RTTN: variants seen among roughly 807,000 people sequenced by gnomAD.
The protein encoded by RTTN is rotatin.
A neutral mutation model predicts 269.2 loss-of-function variants in RTTN; 182 were observed. That is an observed-to-expected ratio of 0.68 (90% confidence interval 0.60 to 0.76). The LOEUF is 0.76. Among genes scored for constraint, RTTN ranks in the 30% least tolerant of loss-of-function variants. The pLI is 0.00. For synonymous variants in RTTN, 1,006 were observed against 963.5 expected (o/e 1.04, Z -0.82); for missense variants, 2,545 against 2,608.6 (o/e 0.98, Z 0.53).
intron 25 of RTTN, 123 bp from the exon 26 acceptor site, chr18:70,121,823 T>A: frequency 2.2e-6 from 2 of 924,572 alleles, no homozygotes; most frequent in Non-Finnish European, 3.1e-6. Flanking sequence ...GACACTGTTT[T>A]AAATGCTTTG....
At position 70,142,335 on chromosome 18, in the gene RTTN, A is replaced by C. The variant is rs774473227; in HGVS notation, c.2534T>G (p.Leu845Arg). 6.2e-7 allele frequency: 1 copy of C among 1,609,844 alleles called. No individual in the cohort carries two copies. The highest frequency in any genetic ancestry group is 8.5e-7 in the Non-Finnish European group (1 of 1,178,594). The change falls in exon 19 of 49, where the codon CTC becomes CGC. Residue 845 changes from leucine (L) to arginine (R), a missense_variant. Coordinates refer to ENST00000640769, the MANE Select transcript of RTTN (RefSeq NM_173630.4). ...TTCAGCAGCTGACTTTCTCAAAACG[A>C]GATCAACATCATCTGAGGTGAAGAT... is the stretch of plus-strand genomic sequence containing the variant. ...YEIFTSDDVDLVLRKSAAEQL... is the reference protein window; with the variant it reads ...YEIFTSDDVDRVLRKSAAEQL...
At chr18:70,036,817 C>T (rs1465912228) in intron 40 of RTTN, among the ~76,000 whole-genome samples, 3 of 152,142 alleles carry the variant, frequency 2.0e-5, no homozygotes, top group African/African-American at 4.8e-5. Context: ...AGCACCGTCA[C>T]GAGAACCAAA....
intron 44 of RTTN, 69 bp downstream of exon 44, chr18:70,024,652 TC>T: frequency 7.2e-7 from 1 of 1,395,178 alleles, no homozygotes; most frequent in East Asian, 2.3e-5. Context: ...GTTTTTCCAG[TC>T]CACCTTAACA....
chr18:70,109,626 C>A lies in RTTN; in HGVS notation c.3775G>T (p.Gly1259Cys), dbSNP rs1252883350. 1 of 1,613,972 alleles carries A rather than the reference C, an allele frequency of 6.2e-7. No individual in the cohort carries two copies. The change falls in exon 28 of 49, where the codon GGC becomes TGC. Residue 1259 changes from glycine to cysteine, a missense_variant. Physicochemically the swap from Gly to Cys is radical, Grantham distance 159. Transcript: ENST00000640769. ...AAGGTCCGCTCAAGGGACGGCAGGC[C>A]ATAGAAATGAGGCGCATCCGTCACT... ...LKVTDAPHFY[G>C]LPSLERTLRG...
At chr18:70,086,789 T>C in intron 31 of RTTN, 105 bp from the exon 32 acceptor site, 3 of 1,038,832 alleles carry the variant, frequency 2.9e-6, no homozygotes, top group African/African-American at 3.4e-5. Context: ...TTGTAATTAA[T>C]AGCAAAAGAC....
At chr18:70,119,372 A>C (rs1305743832) in intron 26 of RTTN, among the ~76,000 whole-genome samples, 1 of 152,016 alleles carries the variant, frequency 6.6e-6, no homozygotes. Context: ...AAGGTGAAAG[A>C]TCTCTACACT....
intron 39 of RTTN, 47 bp downstream of exon 39, chr18:70,051,364 C>T (rs759579788): frequency 7.1e-6 from 11 of 1,551,086 alleles, no homozygotes; most frequent in African/African-American, 4.2e-5. Context: ...ATCATTATCT[C>T]GTTTTATTAG....
intron 28 of RTTN, among the ~76,000 whole-genome samples, chr18:70,094,271 T>G (rs1159086792): frequency 6.6e-6 from 1 of 152,220 alleles, no homozygotes; most frequent in African/African-American, 2.4e-5. Context: ...TGATTTTTTT[T>G]GAAGGGTTTT....
At chr18:70,174,586 TA>T (rs890133202) in intron 11 of RTTN, among the ~76,000 whole-genome samples, 1 of 151,772 alleles carries the variant, frequency 6.6e-6, no homozygotes, top group Non-Finnish European at 1.5e-5. Flanking sequence ...AAAAGAAACC[TA>T]AAAGCTTAAT....
At chr18:70,111,952 G>C (rs997513367) in intron 27 of RTTN, among the ~76,000 whole-genome samples, 6 of 152,218 alleles carry the variant, frequency 3.9e-5, no homozygotes, top group African/African-American at 1.4e-4. Flanking sequence ...ACTAACAGCA[G>C]ATCTCTCAGC....
In RTTN at chr18:70,205,291, T is replaced by C. The variant is rs1425620387; in HGVS notation, c.56A>G (p.Glu19Gly). 6.2e-7 allele frequency: 1 copy of C among 1,614,182 alleles called. No individual in the cohort carries two copies. Among genetic ancestry groups the C allele is most frequent in the Non-Finnish European group, 8.5e-7 (1 of 1,180,034 alleles). Residue 19 changes from glutamate (E) to glycine (G), a missense_variant, in exon 2 of 49, where the codon GAG (glutamate) becomes GGG (glycine). Coordinates refer to ENST00000640769, the MANE Select transcript of RTTN (RefSeq NM_173630.4). ...GCAGAGAATACTCTTGAGAGCGCGC[T>C]CCCTGATCTCGGCCAGCTGATGACC... is the stretch of plus-strand genomic sequence containing the variant. ...KLGHQLAEIR[E>G]RALKSILCKI... is the part of the protein sequence containing the mutation.
intron 46 of RTTN, among the ~76,000 whole-genome samples, chr18:70,009,740 T>C (rs1007293376): frequency 6.6e-6 from 1 of 152,144 alleles, no homozygotes; most frequent in Non-Finnish European, 1.5e-5. Context: ...ATATTAACCT[T>C]AAATGTAAAC....
intron 35 of RTTN, chr18:70,061,472 T>C (rs781127877): frequency 3.0e-4 from 136 of 455,416 alleles, no homozygotes; most frequent in African/African-American, 8.8e-4. Flanking sequence ...TAGAGTGTCA[T>C]TGTTTCTAAG....
chr18:70,037,778 CCA>C (rs2057219674), intron 40 of RTTN, among the ~76,000 whole-genome samples: 1 of 152,188 alleles, frequency 6.6e-6, no homozygotes, highest in African/African-American at 2.4e-5. Context: ...ATCAGCTCAG[CCA>C]CAGTGGGTAG....
chr18:70,149,321 C>CCCTCGGTGAAGCACCTCA (rs1173222942), intron 16 of RTTN, among the ~76,000 whole-genome samples: 1 of 152,006 alleles, frequency 6.6e-6, no homozygotes, highest in Admixed American at 6.6e-5. Flanking sequence ...GTGGCACCTC[C>CCCTCGGTGAAGCACCTCA]CCTCGGTGAA....
chr18:70,128,283 G>A, intron 24 of RTTN, 75 bp downstream of exon 24: 3 of 1,299,834 alleles, frequency 2.3e-6, no homozygotes, highest in Non-Finnish European at 2.1e-6. Flanking sequence ...CTGGACCTAA[G>A]GAAAAAGTAA....
rs551768131 is a variant in RTTN at position 70,106,173 on chromosome 18, C to T, written c.3903+3325G>A. On this transcript the variant is annotated intron_variant, in intron 28 of 48. Coordinates refer to ENST00000640769, the MANE Select transcript of RTTN (RefSeq NM_173630.4). ...GACAAACCTGGGCAACATAGTGAGA[C>T]CCATCTCTACAAAAAAATTAAACCA... Among the ~76,000 whole-genome samples the T allele has an allele frequency of 1.1e-4, 17 of 152,128 alleles. No individual in the cohort carries two copies. The East Asian group carries it at 2.1e-3, about 19-fold the overall frequency.
intron 40 of RTTN, among the ~76,000 whole-genome samples, chr18:70,044,655 CCTCT>C (rs954851696): frequency 5.9e-5 from 9 of 152,192 alleles, no homozygotes; most frequent in South Asian, 2.1e-4. Flanking sequence ...GTGATTGTGG[CCTCT>C]CTGTCTCTCT....
chr18:70,026,013 ATTTCC>A (rs1265239571), intron 43 of RTTN, among the ~76,000 whole-genome samples: 1 of 152,074 alleles, frequency 6.6e-6, no homozygotes, highest in African/African-American at 2.4e-5. Flanking sequence ...AAACATACTC[ATTTCC>A]TTTCATCTTA....
Sources: allele counts gnomAD v4.1 joint callset (sites outside exome capture counted in the v4.1 genomes callset), GRCh38; gene constraint gnomAD v4.1.1; transcripts MANE v1.5; gene names NCBI Gene and HGNC (gene_info 2026-07-23, HGNC 2026-07-21).